The following RBMS3 variants were observed in gnomAD, a reference collection of about 807,000 sequenced individuals.
The protein encoded by RBMS3 is RNA-binding motif, single-stranded-interacting protein 3.
A neutral mutation model predicts 66.8 loss-of-function variants in RBMS3; 27 were observed. The observed-to-expected ratio is 0.40, with a 90% CI of 0.30 to 0.56. The LOEUF is 0.56. RBMS3 is among the 20% of genes least tolerant of loss of function. The pLI is 0.40. For synonymous variants in RBMS3, 188 were observed against 183.0 expected (o/e 1.03, Z -0.22); for missense variants, 513 against 549.5 (o/e 0.93, Z 0.66).
chr3:29,516,445 G>T (rs373549928), intron 3 of RBMS3, among the ~76,000 whole-genome samples: 1,942 of 151,346 alleles, frequency 0.013, 46 homozygotes, highest in African/African-American at 0.045. Flanking sequence ...GTTTTTTTTT[G>T]TTTGTTTTTG....
chr3:29,331,521 G>A (rs2035651828), intron 1 of RBMS3, among the ~76,000 whole-genome samples: 5 of 152,098 alleles, frequency 3.3e-5, no homozygotes, highest in Admixed American at 6.6e-5. Context: ...CCAATTATCC[G>A]GGGAGCACTT....
At chr3:29,759,225 A>G (rs2055557636) in intron 5 of RBMS3, among the ~76,000 whole-genome samples, 1 of 152,142 alleles carries the variant, frequency 6.6e-6, no homozygotes, top group African/African-American at 2.4e-5. Flanking sequence ...AAAAAAAGGA[A>G]GAAGAAGCAC....
chr3:29,920,641 G>T (rs1302960022), intron 10 of RBMS3, among the ~76,000 whole-genome samples: 1 of 151,778 alleles, frequency 6.6e-6, no homozygotes, highest in Non-Finnish European at 1.5e-5. Context: ...TTCCTGATTC[G>T]TTAAAGTCCC....
chr3:29,407,982 A>T (rs1339264492), intron 1 of RBMS3, among the ~76,000 whole-genome samples: 1 of 152,328 alleles, frequency 6.6e-6, no homozygotes, highest in Middle Eastern at 3.4e-3. Flanking sequence ...ATTAGAAATT[A>T]GGAAAATTGG....
rs960260201 is a variant in RBMS3 at position 29,530,977 on chromosome 3, C to G, written c.307+42478C>G. On this transcript the variant is annotated intron_variant, in intron 3 of 14. Coordinates refer to ENST00000383767, the MANE Select transcript of RBMS3 (RefSeq NM_001003793.3). ...CCCAAAAATGGTGGGATCAGAATAC[C>G]CTTTCCTCTCAAGAGCTTAATGGGT... 2.0e-5 allele frequency among the ~76,000 whole-genome samples: 3 copies of G among 152,138 alleles called. No individual in the cohort carries two copies. The East Asian group carries it at 5.8e-4, about 29-fold the overall frequency.
At chr3:29,433,263 G>A (rs1167535690) in intron 1 of RBMS3, among the ~76,000 whole-genome samples, 1 of 152,004 alleles carries the variant, frequency 6.6e-6, no homozygotes, top group African/African-American at 2.4e-5. Flanking sequence ...AAAATGTGCT[G>A]TTTGACAAAG....
intron 3 of RBMS3, among the ~76,000 whole-genome samples, chr3:29,566,240 G>A (rs1559473858): frequency 6.6e-6 from 1 of 152,046 alleles, no homozygotes; most frequent in East Asian, 1.9e-4. Flanking sequence ...CACAAATTAT[G>A]CCCACTGCAA....
At chr3:29,687,863 G>A (rs75128355) in intron 4 of RBMS3, among the ~76,000 whole-genome samples, 113 of 152,178 alleles carry the variant, frequency 7.4e-4, no homozygotes, top group African/African-American at 2.7e-3. Context: ...GCTTCAAGGG[G>A]ATTATTAGAC....
chr3:29,537,463 T>G (rs2045603893), intron 3 of RBMS3, among the ~76,000 whole-genome samples: 1 of 152,192 alleles, frequency 6.6e-6, no homozygotes, highest in Non-Finnish European at 1.5e-5. Flanking sequence ...ACTAAATTTC[T>G]TAGGTGAAAG....
chr3:29,405,670 G>A (rs1229028706), intron 1 of RBMS3, among the ~76,000 whole-genome samples: 2 of 152,096 alleles, frequency 1.3e-5, no homozygotes, highest in Non-Finnish European at 2.9e-5. Flanking sequence ...CCCTCAGTCT[G>A]TAAATTTTAT....
chr3:29,745,420 G>A (rs907730371), intron 5 of RBMS3, among the ~76,000 whole-genome samples: 28 of 152,258 alleles, frequency 1.8e-4, no homozygotes, highest in African/African-American at 5.3e-4. Flanking sequence ...CCTTGCCTGC[G>A]AGGGTAAGGA....
At chr3:29,474,033 G>C (rs540414277) in intron 2 of RBMS3, among the ~76,000 whole-genome samples, 1 of 152,372 alleles carries the variant, frequency 6.6e-6, no homozygotes, top group African/African-American at 2.4e-5. Flanking sequence ...GCGAGCAAGG[G>C]CTGCGAGGGC....
chr3:29,873,216 A>T (rs1321694502), intron 7 of RBMS3, among the ~76,000 whole-genome samples: 1 of 152,208 alleles, frequency 6.6e-6, no homozygotes, highest in Non-Finnish European at 1.5e-5. Flanking sequence ...CTTCCTATCC[A>T]TGAATATGGG....
At chr3:29,839,805 T>G (rs2058618741) in intron 6 of RBMS3, among the ~76,000 whole-genome samples, 1 of 151,804 alleles carries the variant, frequency 6.6e-6, no homozygotes, top group Non-Finnish European at 1.5e-5. Flanking sequence ...ATAAAATAGT[T>G]ATTACTTAGA....
intron 6 of RBMS3, among the ~76,000 whole-genome samples, chr3:29,793,992 A>T (rs2149431585): frequency 6.6e-6 from 1 of 151,826 alleles, no homozygotes. Flanking sequence ...CTGCCTCCTC[A>T]CTCTCTTGCT....
intron 1 of RBMS3, among the ~76,000 whole-genome samples, chr3:29,345,261 T>G (rs1181963794): frequency 6.6e-6 from 1 of 152,232 alleles, no homozygotes; most frequent in Non-Finnish European, 1.5e-5. Context: ...GTCTTGTCTA[T>G]AATTTCCCTT....
chr3:29,859,647 C>T (rs190354816), intron 6 of RBMS3, among the ~76,000 whole-genome samples: 167 of 152,334 alleles, frequency 1.1e-3, no homozygotes, highest in Non-Finnish European at 1.9e-3. Flanking sequence ...TACCTAGCTA[C>T]GCCTTGCTTG....
rs2043593747 is a variant in RBMS3, at chr3:29,492,653, G to A, written c.307+4154G>A. On this transcript the variant is annotated intron_variant, in intron 3 of 14. Coordinates refer to ENST00000383767, the MANE Select transcript of RBMS3 (RefSeq NM_001003793.3). ...TTCTAAATGGGAGATTTTAGGTAGG[G>A]GAGAAACCATACTGAGAAAGGAGGA... 2.0e-5 allele frequency among the ~76,000 whole-genome samples: 3 copies of A among 152,030 alleles called. No individual in the cohort carries two copies. The South Asian group carries it at 6.2e-4, about 32-fold the overall frequency.
chr3:29,340,116 A>T (rs1219787834), intron 1 of RBMS3, among the ~76,000 whole-genome samples: 1 of 152,190 alleles, frequency 6.6e-6, no homozygotes, highest in Non-Finnish European at 1.5e-5. Flanking sequence ...ATATAGGAAG[A>T]TATTTTGATA....
Sources: gnomAD v4.1 joint callset for allele counts (sites outside exome capture counted in the v4.1 genomes callset) on GRCh38, gnomAD v4.1.1 for gene constraint, MANE v1.5 for transcripts, NCBI Gene and HGNC (gene_info 2026-07-23, HGNC 2026-07-21) for gene names.